The following PRSS23 variants were observed in gnomAD, a reference collection of about 807,000 sequenced individuals.
The protein encoded by PRSS23 is serine protease 23.
In PRSS23, 25 loss-of-function variants were observed where a neutral mutation model predicts 34.7. The observed-to-expected ratio is 0.72, with a 90% confidence interval of 0.53 to 1.01. The LOEUF (loss-of-function observed/expected upper bound fraction) is 1.01, where lower values mean the gene tolerates loss of function less well. Among genes scored for constraint, PRSS23 ranks in the 50% least tolerant of loss-of-function variants. PRSS23 has a pLI of 0.00. For synonymous variants in PRSS23, 176 were observed against 186.6 expected (o/e 0.94, Z 0.46); for missense variants, 445 against 475.6 (o/e 0.94, Z 0.60).
At chr11:86,874,878 G>C (rs187423491) in intron 2 of PRSS23, among the ~76,000 whole-genome samples, 1 of 152,256 alleles carries the variant, frequency 6.6e-6, no homozygotes, top group East Asian at 1.9e-4. Context: ...TGGTATGTCT[G>C]GTGCCTAGGC....
At chr11:86,845,105 A>G (rs1948476970) in intron 2 of PRSS23, among the ~76,000 whole-genome samples, 1 of 151,916 alleles carries the variant, frequency 6.6e-6, no homozygotes. Context: ...AAAAAAAAAA[A>G]GAATTAAGTA....
At chr11:86,915,623 C>T (rs1205991436) in intron 2 of PRSS23, among the ~76,000 whole-genome samples, 1 of 148,846 alleles carries the variant, frequency 6.7e-6, no homozygotes, top group African/African-American at 2.5e-5. Context: ...ACATATTTAG[C>T]CACTGTGCCT....
intron 2 of PRSS23, among the ~76,000 whole-genome samples, chr11:86,845,090 GAA>G (rs199809989): frequency 2.5e-5 from 3 of 118,868 alleles, no homozygotes; most frequent in Non-Finnish European, 3.6e-5. Context: ...CTCTGTCTCA[GAA>G]AAAAAAAAAA....
chr11:86,947,006 C>A (rs1160768109), intron 2 of PRSS23: 1 of 152,356 alleles, frequency 6.6e-6, no homozygotes, highest in Non-Finnish European at 1.5e-5. Context: ...GAGTTCGAGA[C>A]CAGCCTGGCC....
chr11:86,915,906 T>C (rs1949009794), intron 2 of PRSS23, among the ~76,000 whole-genome samples: 1 of 151,712 alleles, frequency 6.6e-6, no homozygotes, highest in African/African-American at 2.4e-5. Context: ...TACAAAAAAG[T>C]TAGCCAGGCA....
intron 2 of PRSS23, among the ~76,000 whole-genome samples, chr11:86,922,551 C>A (rs2135004850): frequency 6.6e-6 from 1 of 152,274 alleles, no homozygotes; most frequent in Non-Finnish European, 1.5e-5. Context: ...TTAAATGAGA[C>A]AATACCTGTC....
chr11:86,832,119 G>A (rs955217209), intron 2 of PRSS23, among the ~76,000 whole-genome samples: 1 of 152,066 alleles, frequency 6.6e-6, no homozygotes, highest in Non-Finnish European at 1.5e-5. Flanking sequence ...ATTCTATGGG[G>A]ATGTTGTTAA....
intron 2 of PRSS23, among the ~76,000 whole-genome samples, chr11:86,860,009 T>C (rs1469799594): frequency 6.6e-6 from 1 of 152,014 alleles, no homozygotes; most frequent in Non-Finnish European, 1.5e-5. Context: ...CCTGTGATGT[T>C]GATCCTAATA....
rs540436573 is a variant in PRSS23, at chr11:86,902,880, G to T, written c.207-48336G>T. Among the ~76,000 whole-genome samples the T allele has an allele frequency of 3.3e-5, 5 of 152,228 alleles. No homozygotes were observed. The East Asian group carries it at 7.7e-4, about 24-fold the overall frequency. The stretch of plus-strand genomic sequence containing the variant: ...TTAAGATCTTGGATTGTGGACTCTG[G>T]AAGGCCAGTGTGGAAATTCTGAGTC... On this transcript the variant is annotated intron_variant, in intron 2 of 2. Transcript: ENST00000533902.
intron 2 of PRSS23, among the ~76,000 whole-genome samples, chr11:86,834,633 G>A (rs1008444549): frequency 1.5e-5 from 2 of 137,762 alleles, no homozygotes; most frequent in African/African-American, 5.5e-5. Context: ...GGCAGTGTAA[G>A]ACTGCCACCT....
chr11:86,849,841 C>T (rs1027583615), intron 2 of PRSS23, among the ~76,000 whole-genome samples: 1 of 152,134 alleles, frequency 6.6e-6, no homozygotes, highest in African/African-American at 2.4e-5. Context: ...ACTCTGACTC[C>T]CTAGTCACCC....
At chr11:86,916,855 A>G (rs1949016141) in intron 2 of PRSS23, among the ~76,000 whole-genome samples, 1 of 152,076 alleles carries the variant, frequency 6.6e-6, no homozygotes, top group Non-Finnish European at 1.5e-5. Flanking sequence ...TAAAACTTAT[A>G]CGTCTGCCAC....
At chr11:86,840,348 C>G (rs1948438375) in intron 2 of PRSS23, among the ~76,000 whole-genome samples, 1 of 152,132 alleles carries the variant, frequency 6.6e-6, no homozygotes, top group South Asian at 2.1e-4. Flanking sequence ...TTTAAACCAA[C>G]AAAGATCAAA....
intron 2 of PRSS23, among the ~76,000 whole-genome samples, chr11:86,861,207 GATATGATCCGTA>G (rs968130778): frequency 1.3e-5 from 2 of 148,510 alleles, no homozygotes; most frequent in African/African-American, 5.0e-5. Context: ...ACCCTCCTGT[GATATGATCCGTA>G]ATATCCAGGG....
intron 2 of PRSS23, among the ~76,000 whole-genome samples, chr11:86,888,835 G>A (rs1401181008): frequency 6.6e-6 from 1 of 152,242 alleles, no homozygotes; most frequent in Non-Finnish European, 1.5e-5. Context: ...CAAAGCTGGA[G>A]GATCCAACTG....
At chr11:86,869,775 G>A (rs1203440004) in intron 2 of PRSS23, among the ~76,000 whole-genome samples, 2 of 152,146 alleles carry the variant, frequency 1.3e-5, no homozygotes, top group African/African-American at 2.4e-5. Flanking sequence ...AGATACTCAC[G>A]CAGCACCTCT....
intron 2 of PRSS23, among the ~76,000 whole-genome samples, chr11:86,899,205 G>C (rs4491254): frequency 0.64 from 97,883 of 151,904 alleles, 32,057 homozygotes; most frequent in African/African-American, 0.73. Flanking sequence ...ATCAAGCTAA[G>C]TCTTCACAAG....
At chr11:86,813,523 T>C (rs942292328), downstream of PRSS23, among the ~76,000 whole-genome samples, 1 of 152,208 alleles carries the variant, frequency 6.6e-6, no homozygotes, top group Admixed American at 6.5e-5. Flanking sequence ...GTAGGAGCCC[T>C]GGTGGGGCCT....
At chr11:86,918,537 T>C (rs1397342967) in intron 2 of PRSS23, among the ~76,000 whole-genome samples, 3 of 152,240 alleles carry the variant, frequency 2.0e-5, no homozygotes, top group African/African-American at 7.2e-5. Context: ...CATCCCCTTC[T>C]CTGTCTTCAT....
Sources: gnomAD v4.1 joint callset for allele counts (sites outside exome capture counted in the v4.1 genomes callset) on GRCh38, gnomAD v4.1.1 for gene constraint, MANE v1.5 for transcripts, NCBI Gene and HGNC (gene_info 2026-07-23, HGNC 2026-07-21) for gene names.